Variants in RABGAP1L observed in about 807,000 individuals in gnomAD.
RABGAP1L encodes rab GTPase-activating protein 1-like.
RABGAP1L carries 63 observed loss-of-function variants against 137.7 expected under a neutral mutation model. The ratio of observed to expected loss-of-function variants is 0.46; its 90% CI spans 0.37 to 0.56. The LOEUF is 0.56. RABGAP1L is among the 20% of genes least tolerant of loss of function. The pLI, the probability that RABGAP1L is intolerant of heterozygous loss-of-function variation, is 0.00. For missense variants in RABGAP1L, 1,095 were observed against 1,244.0 expected (o/e 0.88, Z 1.80); for synonymous variants, 431 against 433.7 (o/e 0.99, Z 0.08).
At chr1:174,332,827 G>A (rs911274639) in intron 11 of RABGAP1L, among the ~76,000 whole-genome samples, 2 of 152,120 alleles carry the variant, frequency 1.3e-5, no homozygotes, top group Non-Finnish European at 2.9e-5. Context: ...CACTACTGGA[G>A]TATTTATCCA....
intron 1 of RABGAP1L, among the ~76,000 whole-genome samples, chr1:174,199,311 A>G (rs1201316723): frequency 6.6e-6 from 1 of 151,968 alleles, no homozygotes; most frequent in East Asian, 1.9e-4. Flanking sequence ...TTCTTTTTTA[A>G]GACAGGGTCT....
At chr1:174,387,968 A>C (rs1686937868) in intron 12 of RABGAP1L, among the ~76,000 whole-genome samples, 1 of 152,124 alleles carries the variant, frequency 6.6e-6, no homozygotes, top group African/African-American at 2.4e-5. Context: ...AGTATAAACT[A>C]CTATGTCTTT....
chr1:174,327,960 T>TATATATATATATATATACACAC (rs1680597315), intron 11 of RABGAP1L, among the ~76,000 whole-genome samples: 1 of 12,234 alleles, frequency 8.2e-5, no homozygotes, highest in Non-Finnish European at 1.3e-4. Context: ...GTTGTAAATA[T>TATATATATATATATATACACAC]ATATATATAT....
intron 14 of RABGAP1L, among the ~76,000 whole-genome samples, chr1:174,644,067 G>GT (rs990112064): frequency 1.3e-5 from 2 of 151,652 alleles, no homozygotes; most frequent in South Asian, 2.1e-4. Flanking sequence ...TATTTTGGGG[G>GT]TTTTTTTGGT....
chr1:174,509,245 G>C (rs576529976), intron 13 of RABGAP1L, among the ~76,000 whole-genome samples: 2 of 152,156 alleles, frequency 1.3e-5, no homozygotes, highest in Non-Finnish European at 2.9e-5. Context: ...ACTACTGAGT[G>C]AGATAAATTG....
intron 11 of RABGAP1L, among the ~76,000 whole-genome samples, chr1:174,317,318 A>G (rs1679473628): frequency 6.6e-6 from 1 of 151,982 alleles, no homozygotes; most frequent in Non-Finnish European, 1.5e-5. Context: ...CCTGGGTATC[A>G]CTGCTGGTTA....
intron 11 of RABGAP1L, among the ~76,000 whole-genome samples, chr1:174,328,930 G>A (rs1411656418): frequency 7.9e-5 from 12 of 151,152 alleles, no homozygotes; most frequent in African/African-American, 2.7e-4. Flanking sequence ...TCTACCTCAA[G>A]GAACTAGGAA....
chr1:174,426,643 A>C (rs1195919867), intron 13 of RABGAP1L, among the ~76,000 whole-genome samples: 4 of 152,030 alleles, frequency 2.6e-5, no homozygotes, highest in Non-Finnish European at 5.9e-5. Context: ...ATAGTGAATA[A>C]CATTTTATGA....
At chr1:174,215,998 A>T (rs1483241891) in intron 1 of RABGAP1L, among the ~76,000 whole-genome samples, 1 of 152,208 alleles carries the variant, frequency 6.6e-6, no homozygotes, top group Non-Finnish European at 1.5e-5. Flanking sequence ...TTGCAGCAAC[A>T]TGGATGAAAG....
intron 13 of RABGAP1L, among the ~76,000 whole-genome samples, chr1:174,451,411 A>C (rs1441954701): frequency 1.3e-5 from 2 of 152,212 alleles, no homozygotes; most frequent in African/African-American, 4.8e-5. Context: ...CATAGTAATT[A>C]ATAACAATTA....
At chr1:174,849,368 C>A (rs1647807318) in intron 19 of RABGAP1L, among the ~76,000 whole-genome samples, 1 of 152,084 alleles carries the variant, frequency 6.6e-6, no homozygotes, top group Non-Finnish European at 1.5e-5. Flanking sequence ...CCCAAGGGGC[C>A]ATATGACGAA....
At chr1:174,954,652 C>A (rs572019788) in intron 19 of RABGAP1L, among the ~76,000 whole-genome samples, 1 of 152,180 alleles carries the variant, frequency 6.6e-6, no homozygotes, top group Non-Finnish European at 1.5e-5. Flanking sequence ...GAAAATACTT[C>A]CACATGGAAC....
At chr1:174,508,839 A>G (rs1333903619) in intron 13 of RABGAP1L, among the ~76,000 whole-genome samples, 1 of 152,272 alleles carries the variant, frequency 6.6e-6, no homozygotes, top group Admixed American at 6.5e-5. Context: ...TGACTCTGAT[A>G]TACAAACAAT....
Position 174,612,502 on chromosome 1 carries a change from T to G in RABGAP1L, c.1711-24873T>G, listed in dbSNP as rs1284623331. ...TTTGCATCAATGTTCACCAAGGATA[T>G]TGGTCTAAAATTCTCTTTTTTGGTT... On this transcript the variant is annotated intron_variant, in intron 13 of 25. Coordinates refer to ENST00000681986, the MANE Select transcript of RABGAP1L (RefSeq NM_001366446.1). Among the ~76,000 whole-genome samples, 14 of 152,194 alleles carry G rather than the reference T, an allele frequency of 9.2e-5. 1 individual carries two copies. Among genetic ancestry groups the G allele is most frequent in the Admixed American group, 9.2e-4 (14 of 15,280 alleles).
chr1:174,380,655 T>C (rs1045778501), intron 12 of RABGAP1L, among the ~76,000 whole-genome samples: 6 of 151,598 alleles, frequency 4.0e-5, no homozygotes, highest in East Asian at 1.9e-4. Flanking sequence ...CATTTTTTAT[T>C]GTGTCTATTT....
intron 5 of RABGAP1L, chr1:174,245,407 G>A (rs569632104): frequency 6.6e-6 from 1 of 152,204 alleles, no homozygotes; most frequent in African/African-American, 2.4e-5. Flanking sequence ...TTATTTAATT[G>A]TTATGTTAGC....
At chr1:174,424,767 T>G (rs1489623046) in intron 13 of RABGAP1L, among the ~76,000 whole-genome samples, 1 of 152,058 alleles carries the variant, frequency 6.6e-6, no homozygotes, top group African/African-American at 2.4e-5. Flanking sequence ...ATTTAACACA[T>G]TTTATTGACT....
intron 17 of RABGAP1L, among the ~76,000 whole-genome samples, chr1:174,707,218 C>CGGTTTTGTTT (rs1553238074): frequency 6.6e-6 from 1 of 150,388 alleles, no homozygotes; most frequent in Non-Finnish European, 1.5e-5. Context: ...AGGTTTTGTT[C>CGGTTTTGTTT]TGTTTTGTTT....
intron 18 of RABGAP1L, among the ~76,000 whole-genome samples, chr1:174,804,054 T>TAA (rs1179935975): frequency 1.4e-5 from 2 of 143,810 alleles, no homozygotes; most frequent in Non-Finnish European, 3.1e-5. Context: ...AGATTCCGTC[T>TAA]AAAAAAAAAA....
Sources: gnomAD v4.1 joint callset for allele counts (sites outside exome capture counted in the v4.1 genomes callset) on GRCh38, gnomAD v4.1.1 for gene constraint, MANE v1.5 for transcripts, NCBI Gene and HGNC (gene_info 2026-07-23, HGNC 2026-07-21) for gene names.